Variants in DSCAM observed in about 807,000 individuals in gnomAD.
DSCAM encodes cell adhesion molecule DSCAM.
Under a neutral mutation model 217.7 loss-of-function variants are expected in DSCAM, and 47 were observed. The observed-to-expected ratio is 0.22, with a 90% CI of 0.17 to 0.28. The LOEUF is 0.28. DSCAM is among the 10% of genes least tolerant of loss of function. The pLI is 1.00. For synonymous variants in DSCAM, 1,056 were observed against 1,015.3 expected (o/e 1.04, Z -0.76); for missense variants, 2,080 against 2,618.3 (o/e 0.79, Z 4.49).
At chr21:40,573,484 T>A (rs2076824676) in intron 3 of DSCAM, among the ~76,000 whole-genome samples, 1 of 152,230 alleles carries the variant, frequency 6.6e-6, no homozygotes, top group East Asian at 1.9e-4. Flanking sequence ...TTGAATTGAA[T>A]GAAAATGAAA....
intron 15 of DSCAM, among the ~76,000 whole-genome samples, chr21:40,172,539 AC>A (rs2090670868): frequency 6.6e-6 from 1 of 152,006 alleles, no homozygotes; most frequent in East Asian, 1.9e-4. Flanking sequence ...CAGCTGGACA[AC>A]CTCCCACTGC....
chr21:40,337,471 G>A (rs2074440291), intron 8 of DSCAM, among the ~76,000 whole-genome samples: 1 of 152,144 alleles, frequency 6.6e-6, no homozygotes, highest in Admixed American at 6.5e-5. Flanking sequence ...GCGTATCCTT[G>A]GATGAGTCTG....
intron 3 of DSCAM, among the ~76,000 whole-genome samples, chr21:40,607,180 A>T (rs1037038738): frequency 6.6e-6 from 1 of 152,134 alleles, no homozygotes; most frequent in Non-Finnish European, 1.5e-5. Flanking sequence ...TCAGAAATCA[A>T]CTAACTTCAC....
chr21:40,123,750 G>A (rs1037456468), intron 20 of DSCAM, among the ~76,000 whole-genome samples: 1 of 146,966 alleles, frequency 6.8e-6, no homozygotes, highest in Non-Finnish European at 1.5e-5. Context: ...AGATGGAGGA[G>A]GGAAAGAAGG....
At chr21:40,794,517 A>T (rs1036904328) in intron 1 of DSCAM, among the ~76,000 whole-genome samples, 37 of 150,450 alleles carry the variant, frequency 2.5e-4, no homozygotes, top group African/African-American at 9.0e-4. Context: ...TTATGAGTAA[A>T]GCACGCCTGT....
Position 40,807,464 on chromosome 21 carries a change from G to A in DSCAM, c.43+39155C>T, listed in dbSNP as rs78482546. 1.4e-3 allele frequency among the ~76,000 whole-genome samples: 208 copies of A among 151,600 alleles called. 3 individuals are homozygous for A. The East Asian group carries it at 0.038, about 28-fold the overall frequency. The stretch of plus-strand genomic sequence containing the variant: ...CCTGCCTTCGCAGGAGGTGGGGCGG[G>A]ATGGGGGTGGAGGGCGAGGGGGAGG... On this transcript the variant is annotated intron_variant, in intron 1 of 32. Coordinates refer to ENST00000400454, the MANE Select transcript of DSCAM (RefSeq NM_001389.5).
chr21:40,537,289 C>CGA (rs961164359), intron 3 of DSCAM, among the ~76,000 whole-genome samples: 6 of 152,088 alleles, frequency 3.9e-5, no homozygotes, highest in African/African-American at 9.7e-5. Context: ...GGAGGTAGGT[C>CGA]GAGAGAGAGA....
intron 30 of DSCAM, among the ~76,000 whole-genome samples, chr21:40,047,248 T>C (rs1162975569): frequency 1.2e-4 from 18 of 152,182 alleles, no homozygotes; most frequent in Non-Finnish European, 5.9e-5. Context: ...CTCTGCTGTA[T>C]GATAATGACT....
rs749398798 is a variant in DSCAM, at chr21:40,780,411, G to GTA, written c.43+66207_43+66208insTA. ...TCCAAATATAAACGTGTGTGTGTGT[G>GTA]TGTGTGTGTGTGTATATATATATAT... On this transcript the variant is annotated intron_variant, in intron 1 of 32. Transcript: ENST00000400454. Among the ~76,000 whole-genome samples, 271 of 88,440 alleles carry GTA rather than the reference G, an allele frequency of 3.1e-3. 4 individuals are homozygous for GTA. The highest frequency in any genetic ancestry group is 5.1e-3 in the South Asian group (12 of 2,354). 58.0% of individuals were successfully genotyped at this position (88,440 alleles called of 152,430 possible).
At chr21:40,241,708 G>A (rs183262332) in intron 11 of DSCAM, among the ~76,000 whole-genome samples, 234 of 152,262 alleles carry the variant, frequency 1.5e-3, no homozygotes, top group Non-Finnish European at 2.5e-3. Flanking sequence ...AATGTTCACT[G>A]AAGCACTATT....
At chr21:40,047,112 TC>T (rs79787843) in intron 30 of DSCAM, among the ~76,000 whole-genome samples, 23,185 of 151,994 alleles carry the variant, frequency 0.15, 2,124 homozygotes, top group East Asian at 0.34. Flanking sequence ...AGCCCTCAGT[TC>T]TGTACTGCGC....
At chr21:40,428,916 T>G (rs1032839808) in intron 3 of DSCAM, among the ~76,000 whole-genome samples, 1 of 152,186 alleles carries the variant, frequency 6.6e-6, no homozygotes, top group Non-Finnish European at 1.5e-5. Flanking sequence ...TGCATTAGTG[T>G]ATGAAAACTT....
intron 3 of DSCAM, chr21:40,615,442 AAG>A (rs2089380122): frequency 7.9e-6 from 1 of 127,078 alleles, no homozygotes; most frequent in African/African-American, 3.0e-5. Flanking sequence ...AAAAGAAAAA[AAG>A]AGCACTTTAA....
chr21:40,575,031 C>T (rs1211259900), intron 3 of DSCAM, among the ~76,000 whole-genome samples: 1 of 152,136 alleles, frequency 6.6e-6, no homozygotes, highest in Non-Finnish European at 1.5e-5. Flanking sequence ...ACTCAGATGT[C>T]CTGAAGTTAC....
intron 3 of DSCAM, among the ~76,000 whole-genome samples, chr21:40,499,487 C>T (rs2076154972): frequency 6.6e-6 from 1 of 152,156 alleles, no homozygotes; most frequent in Admixed American, 6.6e-5. Context: ...TGAAAGATCT[C>T]TGTTCTTATT....
intron 3 of DSCAM, among the ~76,000 whole-genome samples, chr21:40,431,447 C>A (rs987195895): frequency 6.7e-6 from 1 of 149,604 alleles, no homozygotes; most frequent in African/African-American, 2.4e-5. Context: ...ACGATGAGGA[C>A]AAAGACCTTT....
chr21:40,832,590 G>A (rs1200772916), intron 1 of DSCAM, among the ~76,000 whole-genome samples: 1 of 152,148 alleles, frequency 6.6e-6, no homozygotes, highest in African/African-American at 2.4e-5. Context: ...CGTGTGACCT[G>A]CTCTTGAACG....
chr21:40,128,964 T>C (rs2090126660), intron 19 of DSCAM, among the ~76,000 whole-genome samples: 1 of 152,256 alleles, frequency 6.6e-6, no homozygotes, highest in Non-Finnish European at 1.5e-5. Context: ...TACCTTAATG[T>C]AAAAATACCA....
intron 3 of DSCAM, among the ~76,000 whole-genome samples, chr21:40,409,961 T>A (rs944039415): frequency 1.3e-5 from 2 of 151,984 alleles, no homozygotes; most frequent in Non-Finnish European, 2.9e-5. Flanking sequence ...ACAAAACATG[T>A]CTAAAGCAGA....
Sources: allele counts gnomAD v4.1 joint callset (sites outside exome capture counted in the v4.1 genomes callset), GRCh38; gene constraint gnomAD v4.1.1; transcripts MANE v1.5; gene names NCBI Gene and HGNC (gene_info 2026-07-23, HGNC 2026-07-21).